The following CEP70 variants were observed in gnomAD, a reference collection of about 807,000 sequenced individuals.
The protein encoded by CEP70 is centrosomal protein of 70 kDa.
In CEP70, 70 loss-of-function variants were observed where a neutral mutation model predicts 90.9. That is an observed-to-expected ratio of 0.77 (90% CI 0.64 to 0.94). The LOEUF is 0.94. Among genes scored for constraint, CEP70 ranks in the 40% least tolerant of loss-of-function variants. The pLI is 0.00. For missense variants in CEP70, 648 were observed against 669.0 expected (o/e 0.97, Z 0.35); for synonymous variants, 220 against 228.3 (o/e 0.96, Z 0.33).
intron 17 of CEP70, chr3:138,495,691 A>G (rs2033910230): frequency 5.8e-6 from 1 of 171,950 alleles, no homozygotes; most frequent in Non-Finnish European, 1.2e-5. Flanking sequence ...ACCTCTACTA[A>G]AAATACAAAA....
intron 6 of CEP70, among the ~76,000 whole-genome samples, chr3:138,569,054 G>A (rs1308523940): frequency 6.6e-6 from 1 of 151,908 alleles, no homozygotes; most frequent in Non-Finnish European, 1.5e-5. Flanking sequence ...TAATGGTAGA[G>A]GAGTTTGTCA....
In CEP70 at chr3:138,496,549, C is replaced by T. The variant is rs927989247; in HGVS notation, c.1733-1473G>A. 19 of 985,410 alleles carry T rather than the reference C, an allele frequency of 1.9e-5. No individual in the cohort carries two copies. In the African/African-American group the frequency reaches 3.3e-4, roughly 17 times the overall value. The allele number at this position is 985,410 out of a possible 1,614,324, so 61.0% of individuals were successfully genotyped here. A position where few individuals can be genotyped will look rare whatever the true frequency, so the allele number is the denominator to read the frequency against. Reference sequence around the variant, plus strand: ...AAACCTGCCTTACAAATGAACCTCACAGCAAAGGACCTTGGCCGATATGGG... The same window carrying T: ...AAACCTGCCTTACAAATGAACCTCATAGCAAAGGACCTTGGCCGATATGGG... On this transcript the variant is annotated intron_variant, in intron 17 of 17. Transcript: ENST00000264982.
chr3:138,530,774 ACAGT>A, intron 8 of CEP70: 1 of 985,334 alleles, frequency 1.0e-6, no homozygotes, highest in Non-Finnish European at 1.2e-6. Flanking sequence ...TCCTCCTGTT[ACAGT>A]ACTCCTACTT....
chr3:138,499,806 A>ACACAC, intron 16 of CEP70: 22 of 268,576 alleles, frequency 8.2e-5, no homozygotes, highest in East Asian at 6.4e-4. Flanking sequence ...ACACACACAC[A>ACACAC]AATTAGCTGG....
At chr3:138,542,728 C>A (rs559788901) in intron 6 of CEP70, among the ~76,000 whole-genome samples, 1 of 152,224 alleles carries the variant, frequency 6.6e-6, no homozygotes, top group Non-Finnish European at 1.5e-5. Flanking sequence ...CCCGGCGAGT[C>A]GGCCAGGAAC....
intron 2 of CEP70, among the ~76,000 whole-genome samples, chr3:138,589,172 T>C (rs920287284): frequency 6.6e-6 from 1 of 152,282 alleles, no homozygotes; most frequent in South Asian, 2.1e-4. Flanking sequence ...TCAAAACTTA[T>C]ACTACATATG....
intron 13 of CEP70, among the ~76,000 whole-genome samples, chr3:138,503,981 C>G (rs766384778): frequency 6.6e-6 from 1 of 152,160 alleles, no homozygotes; most frequent in South Asian, 2.1e-4. Context: ...GCATGATAAA[C>G]GATCAATAAC....
At chr3:138,547,922 C>T (rs541808964) in intron 6 of CEP70, among the ~76,000 whole-genome samples, 1 of 152,248 alleles carries the variant, frequency 6.6e-6, no homozygotes, top group South Asian at 2.1e-4. Flanking sequence ...TTTTGAACTG[C>T]AATTGACTGA....
intron 2 of CEP70, among the ~76,000 whole-genome samples, chr3:138,582,189 AG>A (rs1427670957): frequency 5.3e-5 from 8 of 152,290 alleles, no homozygotes; most frequent in Non-Finnish European, 1.2e-4. Flanking sequence ...AAAAGTACAC[AG>A]AGTCTGGGCA....
intron 2 of CEP70, among the ~76,000 whole-genome samples, chr3:138,582,171 G>A (rs894393853): frequency 3.9e-5 from 6 of 152,026 alleles, no homozygotes; most frequent in African/African-American, 7.2e-5. Context: ...CAAAACTCAC[G>A]GGTAATCAAA....
chr3:138,561,926 G>T (rs189954576), intron 6 of CEP70, among the ~76,000 whole-genome samples: 114 of 151,738 alleles, frequency 7.5e-4, no homozygotes, highest in African/African-American at 2.7e-3. Flanking sequence ...GGGAGGCTGA[G>T]GCAGGAGAAT....
rs755542773 is a variant in CEP70, at chr3:138,500,474, G to C, written c.1462C>G (p.Arg488Gly). 1.9e-6 allele frequency: 3 copies of C among 1,611,014 alleles called. No individual in the cohort carries two copies. Among genetic ancestry groups the C allele is most frequent in the East Asian group, 4.5e-5 (2 of 44,778 alleles). Residue 488 changes from arginine (R) to glycine (G), a missense_variant, in exon 15 of 18, where the codon CGA (arginine) becomes GGA (glycine). Physicochemically the swap from Arg to Gly is moderately radical, Grantham distance 125. Coordinates refer to ENST00000264982, the MANE Select transcript of CEP70 (RefSeq NM_024491.4). ...AGCCTAGTATAAACTTCATTCATTC[G>C]GGGATAGACTCCATTTAAAGAAGGC... ...DVPSLNGVYP[R>G]MNEVYTRLGE...
Position 138,499,818 on chromosome 3 carries a change from C to T in CEP70, c.1652+292G>A, listed in dbSNP as rs1480534996. On this transcript the variant is annotated intron_variant, in intron 16 of 17. Coordinates refer to ENST00000264982, the MANE Select transcript of CEP70 (RefSeq NM_024491.4). Reference sequence around the variant, plus strand: ...CACACACACACACAAATTAGCTGGGCGTGGTGGCGTGTGCTTACAGTCACA... The same window carrying T: ...CACACACACACACAAATTAGCTGGGTGTGGTGGCGTGTGCTTACAGTCACA... 7 of 263,016 alleles carry T rather than the reference C, an allele frequency of 2.7e-5. No individual in the cohort carries two copies. In the East Asian group the frequency reaches 4.1e-4, roughly 15 times the overall value. The allele number at this position is 263,016 out of a possible 1,614,324, so 16.3% of individuals were successfully genotyped here.
chr3:138,514,551 T>C (rs901645001), intron 11 of CEP70, among the ~76,000 whole-genome samples: 2 of 152,154 alleles, frequency 1.3e-5, no homozygotes, highest in African/African-American at 4.8e-5. Context: ...TGAAAAAATA[T>C]TCTACCTCTG....
intron 17 of CEP70, chr3:138,497,717 C>G (rs770636984): frequency 1.6e-5 from 16 of 985,146 alleles, no homozygotes; most frequent in Non-Finnish European, 1.9e-5. Context: ...CTTCTAAGAT[C>G]ATAAATCCTA....
At chr3:138,522,171 G>A (rs1356302444) in intron 11 of CEP70, among the ~76,000 whole-genome samples, 3 of 151,872 alleles carry the variant, frequency 2.0e-5, no homozygotes, top group Non-Finnish European at 4.4e-5. Flanking sequence ...CTCTGCCTAG[G>A]AAAACCAGAG....
intron 2 of CEP70, among the ~76,000 whole-genome samples, chr3:138,574,962 A>G (rs1174319158): frequency 2.0e-5 from 3 of 152,224 alleles, no homozygotes; most frequent in African/African-American, 7.2e-5. Flanking sequence ...ATCATCAAAG[A>G]CCAAAGGAAG....
At chr3:138,501,706 A>C (rs1576518545) in intron 13 of CEP70, among the ~76,000 whole-genome samples, 2 of 152,162 alleles carry the variant, frequency 1.3e-5, no homozygotes, top group South Asian at 4.1e-4. Context: ...GTGGTGCCCT[A>C]ATTGATTTTA....
chr3:138,547,836 T>A (rs2039329512), intron 6 of CEP70, among the ~76,000 whole-genome samples: 1 of 152,176 alleles, frequency 6.6e-6, no homozygotes, highest in Non-Finnish European at 1.5e-5. Flanking sequence ...TTGTGTGAGA[T>A]TTCATCATGC....
Sources: gnomAD v4.1 joint callset for allele counts (sites outside exome capture counted in the v4.1 genomes callset) on GRCh38, gnomAD v4.1.1 for gene constraint, MANE v1.5 for transcripts, NCBI Gene and HGNC (gene_info 2026-07-23, HGNC 2026-07-21) for gene names.